LRRC49: variants seen among roughly 807,000 people sequenced by gnomAD.
LRRC49 encodes the protein leucine rich repeat containing 49, also known as leucine-rich repeat-containing protein 49.
LRRC49 carries 50 observed loss-of-function variants against 83.3 expected under a neutral mutation model. The ratio of observed to expected loss-of-function variants is 0.60; its 90% CI spans 0.48 to 0.76. The LOEUF (loss-of-function observed/expected upper bound fraction) is 0.76. Among genes scored for constraint, LRRC49 ranks in the 30% least tolerant of loss-of-function variants. The pLI is 0.00. For synonymous variants in LRRC49, 286 were observed against 283.3 expected, an observed-to-expected ratio of 1.01 and a Z score of -0.10; for missense variants, 704 against 809.1, an observed-to-expected ratio of 0.87 and a Z score of 1.58.
intron 15 of LRRC49, 24 bp from the exon 16 acceptor site, chr15:71,049,385 A>G: frequency 6.8e-7 from 1 of 1,480,162 alleles, no homozygotes; most frequent in Non-Finnish European, 9.3e-7. Context: ...GATTTAATAC[A>G]AAACTTTCTC....
intron 5 of LRRC49, among the ~76,000 whole-genome samples, chr15:70,905,707 T>G (rs528463775): frequency 9.8e-5 from 15 of 152,294 alleles, no homozygotes; most frequent in African/African-American, 3.6e-4. Context: ...GGAGGTATGA[T>G]CTAATGGTAA....
At chr15:70,932,904 A>G (rs950446965) in intron 7 of LRRC49, among the ~76,000 whole-genome samples, 1 of 151,802 alleles carries the variant, frequency 6.6e-6, no homozygotes, top group Non-Finnish European at 1.5e-5. Flanking sequence ...TAATTTTTGT[A>G]TTTTTAGTAG....
At chr15:71,029,463 A>G (rs2039280405) in intron 14 of LRRC49, among the ~76,000 whole-genome samples, 2 of 152,140 alleles carry the variant, frequency 1.3e-5, no homozygotes, top group Non-Finnish European at 2.9e-5. Context: ...TTTAGAATTC[A>G]TGCTATGTGG....
At chr15:71,041,389 A>G (rs958391917) in intron 15 of LRRC49, among the ~76,000 whole-genome samples, 2 of 152,172 alleles carry the variant, frequency 1.3e-5, no homozygotes, top group African/African-American at 4.8e-5. Flanking sequence ...AATACCTGGA[A>G]ATCCCAAGAA....
intron 7 of LRRC49, chr15:70,936,551 C>A (rs1026959967): frequency 8.6e-6 from 4 of 465,282 alleles, no homozygotes; most frequent in African/African-American, 1.9e-5. Flanking sequence ...TTTTACCTTG[C>A]GAGTGGTGCA....
At position 70,919,121 on chromosome 15, in the gene LRRC49, T is replaced by C. The variant is rs1324922793; in HGVS notation, c.639T>C (p.Ser213=). ...TAAATCTTGCCAGGAACTTTTTAAGTCATGTTGATAATCTTAATGGGCTGG... is the reference window on the plus strand; with the variant it reads ...TAAATCTTGCCAGGAACTTTTTAAGCCATGTTGATAATCTTAATGGGCTGG... The part of the protein sequence containing the change: ...RVLNLARNFL[S]HVDNLNGLDS... Residue 213 remains serine, a synonymous_variant, in exon 7 of 16, where the codon AGT becomes AGC. Transcript: ENST00000260382. 2 of 1,612,246 alleles carry C rather than the reference T, an allele frequency of 1.2e-6. No homozygotes were observed. Among genetic ancestry groups the C allele is most frequent in the South Asian group, 1.1e-5 (1 of 90,920 alleles).
intron 14 of LRRC49, among the ~76,000 whole-genome samples, chr15:71,021,143 G>T (rs549366227): frequency 6.6e-6 from 1 of 152,302 alleles, no homozygotes; most frequent in African/African-American, 2.4e-5. Flanking sequence ...GTAGTGGCCC[G>T]TCAGCCACAG....
At chr15:70,905,184 T>C (rs969018797) in intron 5 of LRRC49, among the ~76,000 whole-genome samples, 1 of 152,222 alleles carries the variant, frequency 6.6e-6, no homozygotes, top group African/African-American at 2.4e-5. Flanking sequence ...TAGTTTCAGT[T>C]TGTATCTAAC....
At chr15:70,862,174 A>T (rs943217694) in intron 1 of LRRC49, among the ~76,000 whole-genome samples, 1 of 152,218 alleles carries the variant, frequency 6.6e-6, no homozygotes, top group African/African-American at 2.4e-5. Flanking sequence ...CCCCAGGAAG[A>T]CACACAGCAG....
intron 11 of LRRC49, among the ~76,000 whole-genome samples, chr15:70,997,999 G>GT (rs944951435): frequency 2.6e-5 from 4 of 151,798 alleles, no homozygotes; most frequent in African/African-American, 9.7e-5. Flanking sequence ...TTTCTTAGTT[G>GT]TTACCCTGGG....
chr15:70,872,533 C>T (rs968652164), intron 1 of LRRC49, among the ~76,000 whole-genome samples: 1 of 152,120 alleles, frequency 6.6e-6, no homozygotes, highest in Admixed American at 6.5e-5. Context: ...GGAATAAGTG[C>T]TTGGGAAGTA....
At chr15:70,918,681 A>G (rs754446927) in intron 6 of LRRC49, 4 of 157,858 alleles carry the variant, frequency 2.5e-5, no homozygotes, top group Non-Finnish European at 5.5e-5. Context: ...TTGCTTTGTT[A>G]AAACATGATG....
At chr15:70,954,795 G>T (rs2036340604) in intron 8 of LRRC49, among the ~76,000 whole-genome samples, 1 of 152,152 alleles carries the variant, frequency 6.6e-6, no homozygotes, top group Admixed American at 6.5e-5. Context: ...TTGAGCTTTG[G>T]CTGGGATAGA....
chr15:70,915,967 T>G (rs1412260927), intron 6 of LRRC49, among the ~76,000 whole-genome samples: 1 of 152,192 alleles, frequency 6.6e-6, no homozygotes, highest in African/African-American at 2.4e-5. Context: ...AGATTAGACA[T>G]CTGAGAAAAG....
At chr15:70,967,404 G>A (rs2036830966) in intron 9 of LRRC49, among the ~76,000 whole-genome samples, 1 of 152,088 alleles carries the variant, frequency 6.6e-6, no homozygotes, top group South Asian at 2.1e-4. Flanking sequence ...GATGCGATGG[G>A]TGATGAGATG....
intron 1 of LRRC49, among the ~76,000 whole-genome samples, chr15:70,862,762 A>G (rs1476181631): frequency 6.6e-6 from 1 of 152,088 alleles, no homozygotes; most frequent in African/African-American, 2.4e-5. Flanking sequence ...GTTCCTCCCA[A>G]CAGGTCTGGA....
chr15:70,891,993 CGGGCACCCGGTGCAGGGT>C (rs757765786), upstream of LRRC49: 1 of 1,612,994 alleles, frequency 6.2e-7, no homozygotes, highest in African/African-American at 1.3e-5. Flanking sequence ...GGTGCCGGGG[CGGGCACCCGGTGCAGGGT>C]GGGCACGGCG....
intron 8 of LRRC49, among the ~76,000 whole-genome samples, chr15:70,937,170 C>G (rs2035628660): frequency 1.3e-5 from 2 of 152,138 alleles, no homozygotes; most frequent in South Asian, 4.1e-4. Flanking sequence ...CATAAATTGT[C>G]AGCTACAATT....
chr15:70,991,147 C>T (rs1451251507), intron 11 of LRRC49, among the ~76,000 whole-genome samples: 3 of 152,196 alleles, frequency 2.0e-5, no homozygotes, highest in Non-Finnish European at 2.9e-5. Flanking sequence ...TCCAGTGGCT[C>T]ACAACCTCTT....
Sources: gnomAD v4.1 joint callset for allele counts (sites outside exome capture counted in the v4.1 genomes callset) on GRCh38, gnomAD v4.1.1 for gene constraint, MANE v1.5 for transcripts, NCBI Gene and HGNC (gene_info 2026-07-23, HGNC 2026-07-21) for gene names.